Variants in CCDC85C observed in about 807,000 individuals in gnomAD.
CCDC85C encodes coiled-coil domain-containing protein 85C.
Under a neutral mutation model 38.3 loss-of-function variants are expected in CCDC85C, and 18 were observed. The observed-to-expected ratio is 0.47, with a 90% confidence interval of 0.33 to 0.70. The LOEUF (loss-of-function observed/expected upper bound fraction) is 0.70. Ranked by LOEUF, CCDC85C falls within the 30% of genes least tolerant of loss-of-function variation. CCDC85C has a pLI of 0.03. For missense variants in CCDC85C, 566 were observed against 621.2 expected, an observed-to-expected ratio of 0.91 and a Z score of 0.94; for synonymous variants, 264 against 293.8, an observed-to-expected ratio of 0.90 and a Z score of 1.04.
intron 2 of CCDC85C, among the ~76,000 whole-genome samples, chr14:99,523,676 C>G (rs544881894): frequency 1.3e-5 from 2 of 152,276 alleles, no homozygotes; most frequent in South Asian, 4.1e-4. Flanking sequence ...GGTCCAAGGT[C>G]AGGGAGGGAC....
At position 99,577,917 on chromosome 14, in the gene CCDC85C, A is replaced by AGTGTGT. The variant is rs368902066; in HGVS notation, c.793+25244_793+25249dup. ...TACAGCCCATCCTGTATCCCCCATC[A>AGTGTGT]GTGTGTGTGTGTGTGTGTGTGTGTG... On this transcript the variant is annotated intron_variant, in intron 1 of 5. Coordinates refer to ENST00000380243, the MANE Select transcript of CCDC85C (RefSeq NM_001144995.2). Among the ~76,000 whole-genome samples the AGTGTGT allele has an allele frequency of 4.3e-5, 5 of 117,154 alleles. 1 individual carries two copies. Among genetic ancestry groups the AGTGTGT allele is most frequent in the South Asian group, 2.9e-4 (1 of 3,450 alleles). 76.9% of individuals were successfully genotyped at this position (117,154 alleles called of 152,430 possible).
Position 99,500,986 on chromosome 14 carries a change from C to A in CCDC85C, c.*14260G>T. On this transcript the variant is annotated 3_prime_UTR_variant, in exon 6 of 6. Transcript: ENST00000380243. ...AAAACAAAGTTTGATGTGTGAAATA[C>A]CAAGGGCATGGCTTGCTCAGTCAAT... The A allele has an allele frequency of 1.4e-6, 1 of 698,376 alleles. No individual in the cohort carries two copies. The highest frequency in any genetic ancestry group is 2.5e-6 in the Non-Finnish European group (1 of 399,230). The allele number at this position is 698,376 out of a possible 1,614,324, so 43.3% of individuals were successfully genotyped here.
intron 1 of CCDC85C, among the ~76,000 whole-genome samples, chr14:99,567,664 A>C (rs1251452134): frequency 6.6e-6 from 1 of 152,162 alleles, no homozygotes; most frequent in East Asian, 1.9e-4. Flanking sequence ...GTTTCCACTA[A>C]AAATACAAAA....
chr14:99,548,455 G>C lies in CCDC85C; in HGVS notation c.794-12367C>G, dbSNP rs1198372575. Reference sequence around the variant, plus strand: ...TGCTGATGATCGGCGCAGCGGATCAGAGAGCAGCCTGGCGCGGTTTCCTGC... The same window carrying C: ...TGCTGATGATCGGCGCAGCGGATCACAGAGCAGCCTGGCGCGGTTTCCTGC... On this transcript the variant is annotated intron_variant, in intron 1 of 5. Transcript: ENST00000380243. This position sits in a 1 kb window ranked among gnomAD's most constrained non-coding sequence, Gnocchi z 4.9. Among the ~76,000 whole-genome samples, 1 of 152,102 alleles carries C rather than the reference G, an allele frequency of 6.6e-6. No homozygotes were observed. Among genetic ancestry groups the C allele is most frequent in the Non-Finnish European group, 1.5e-5 (1 of 68,026 alleles).
intron 1 of CCDC85C, among the ~76,000 whole-genome samples, chr14:99,542,786 G>A (rs756960555): frequency 6.6e-6 from 1 of 152,240 alleles, no homozygotes; most frequent in African/African-American, 2.4e-5. Context: ...CAGGCCCAGC[G>A]GGTCCTGCAG....
intron 1 of CCDC85C, among the ~76,000 whole-genome samples, chr14:99,537,213 C>T (rs556304034): frequency 2.0e-5 from 3 of 152,198 alleles, no homozygotes; most frequent in Non-Finnish European, 4.4e-5. Context: ...CAACAGGACG[C>T]AGGGTCTTCC....
chr14:99,543,428 T>A (rs187689758), intron 1 of CCDC85C, among the ~76,000 whole-genome samples: 11 of 152,156 alleles, frequency 7.2e-5, no homozygotes, highest in Admixed American at 5.9e-4. Context: ...CTTGGCCTAA[T>A]GAAGGAGCTG....
At position 99,516,337 on chromosome 14, in the gene CCDC85C, G is replaced by T; in HGVS notation, c.1072-51C>A. 1 of 1,372,190 alleles carries T rather than the reference G, an allele frequency of 7.3e-7. No homozygotes were observed. Among genetic ancestry groups the T allele is most frequent in the Non-Finnish European group, 1.0e-6 (1 of 986,454 alleles). The allele number at this position is 1,372,190 out of a possible 1,614,324, so 85.0% of individuals were successfully genotyped here. ...GGGGCAGAGGCCACCGGCAGACCTC[G>T]GGCAAGTCACCTGGCCCCTGATCCT... On this transcript the variant is annotated intron_variant, in intron 4 of 5. Coordinates refer to ENST00000380243, the MANE Select transcript of CCDC85C (RefSeq NM_001144995.2). The surrounding 1 kb of genome is among the most constrained non-coding windows in gnomAD (Gnocchi z 5.5).
intron 1 of CCDC85C, among the ~76,000 whole-genome samples, chr14:99,584,311 T>A (rs2055005381): frequency 6.6e-6 from 1 of 152,188 alleles, no homozygotes; most frequent in African/African-American, 2.4e-5. Context: ...GGGGCAGTGA[T>A]TCTCTGTACC....
At chr14:99,589,453 G>A (rs371533994) in intron 1 of CCDC85C, among the ~76,000 whole-genome samples, 16 of 152,068 alleles carry the variant, frequency 1.1e-4, no homozygotes, top group Non-Finnish European at 1.9e-4. Flanking sequence ...GGAGCCTCCC[G>A]ACCACGAACG....
In CCDC85C at chr14:99,520,724, G is replaced by A. The variant is rs1039355840; in HGVS notation, c.975+1409C>T. Among the ~76,000 whole-genome samples, 2 of 152,094 alleles carry A rather than the reference G, an allele frequency of 1.3e-5. No individual in the cohort carries two copies. Among genetic ancestry groups the A allele is most frequent in the African/African-American group, 4.8e-5 (2 of 41,432 alleles). ...GGCCCCTGACCTCTAGGCACACACA[G>A]GCACCAGGACGCACTCACCATGGGG... On this transcript the variant is annotated intron_variant, in intron 3 of 5. Coordinates refer to ENST00000380243, the MANE Select transcript of CCDC85C (RefSeq NM_001144995.2). This position sits in a 1 kb window ranked among gnomAD's most constrained non-coding sequence, Gnocchi z 4.1.
rs1897783422 is a variant in CCDC85C, at chr14:99,545,138, C to T, written c.794-9050G>A. On this transcript the variant is annotated intron_variant, in intron 1 of 5. Transcript: ENST00000380243. This position sits in a 1 kb window ranked among gnomAD's most constrained non-coding sequence, Gnocchi z 4.7. The stretch of plus-strand genomic sequence containing the variant: ...CTTCCCCAGTGAGTGCACGCCTGTC[C>T]TCTCAGTGTCATCTGTCCCCTCGTG... 6.6e-6 allele frequency among the ~76,000 whole-genome samples: 1 copy of T among 152,220 alleles called. No individual in the cohort carries two copies. The highest frequency in any genetic ancestry group is 1.5e-5 in the Non-Finnish European group (1 of 68,038).
In CCDC85C at chr14:99,534,628, G is replaced by A. The variant is rs1451349948; in HGVS notation, c.867+1387C>T. ...CCTTCTCCAAAGCAAAGGTCCCTAA[G>A]CCATGACCTTCTCCTGGTGTCACTT... On this transcript the variant is annotated intron_variant, in intron 2 of 5. Transcript: ENST00000380243. 13 of 702,336 alleles carry A rather than the reference G, an allele frequency of 1.9e-5. No homozygotes were observed. In the East Asian group the frequency reaches 3.5e-4, roughly 19 times the overall value. 43.5% of individuals were successfully genotyped at this position (702,336 alleles called of 1,614,324 possible). A position where few individuals can be genotyped will look rare whatever the true frequency, so the allele number is the denominator to read the frequency against.
intron 1 of CCDC85C, among the ~76,000 whole-genome samples, chr14:99,540,660 TG>T (rs972172979): frequency 1.3e-5 from 2 of 152,168 alleles, no homozygotes; most frequent in Non-Finnish European, 2.9e-5. Flanking sequence ...CTAACCCGTC[TG>T]GGGGCCATCG....
rs1333281843 is a variant in CCDC85C, at chr14:99,502,230, A to G, written c.*13016T>C. 2 of 1,599,388 alleles carry G rather than the reference A, an allele frequency of 1.3e-6. No homozygotes were observed. The highest frequency in any genetic ancestry group is 1.7e-6 in the Non-Finnish European group (2 of 1,172,386). On this transcript the variant is annotated 3_prime_UTR_variant, in exon 6 of 6. Coordinates refer to ENST00000380243, the MANE Select transcript of CCDC85C (RefSeq NM_001144995.2). ...AGTCTCTGCACCACCTTGTCACTGC[A>G]GTGGGAACCAGAGATCATAGCAGTA...
chr14:99,521,799 A>C (rs569581864), intron 3 of CCDC85C, among the ~76,000 whole-genome samples: 20 of 152,324 alleles, frequency 1.3e-4, no homozygotes, highest in African/African-American at 4.8e-4. Context: ...AGAATCCACA[A>C]ACCTGAACCC....
chr14:99,524,433 C>A (rs187967545), intron 2 of CCDC85C, among the ~76,000 whole-genome samples: 120 of 152,286 alleles, frequency 7.9e-4, no homozygotes, highest in Admixed American at 6.8e-3. Context: ...CCCCTCCCCT[C>A]CCCCAGATAA....
chr14:99,572,784 T>G lies in CCDC85C; in HGVS notation c.793+30383A>C, dbSNP rs1383752676. On this transcript the variant is annotated intron_variant, in intron 1 of 5. Transcript: ENST00000380243. This position sits in a 1 kb window ranked among gnomAD's most constrained non-coding sequence, Gnocchi z 4.4. ...GTTTATCCATCTTCCAAAGGAGACT[T>G]CTGTCTGTCTTGCTTCATGGAAGTA... The G allele has an allele frequency of 2.2e-6, 1 of 456,102 alleles. No homozygotes were observed. 28.3% of individuals were successfully genotyped at this position (456,102 alleles called of 1,614,324 possible).
At chr14:99,580,488 C>A (rs955755613) in intron 1 of CCDC85C, among the ~76,000 whole-genome samples, 2 of 43,100 alleles carry the variant, frequency 4.6e-5, no homozygotes, top group Non-Finnish European at 9.3e-5. Context: ...GGGAAGGGGG[C>A]GGGGATGGGG....
Sources: allele counts gnomAD v4.1 joint callset (sites outside exome capture counted in the v4.1 genomes callset), GRCh38; gene constraint gnomAD v4.1.1; non-coding constraint Gnocchi (gnomAD v3.1); transcripts MANE v1.5; gene names NCBI Gene and HGNC (gene_info 2026-07-23, HGNC 2026-07-21).